Variants in GPHN observed in about 807,000 individuals in gnomAD.
The protein encoded by GPHN is gephyrin.
A neutral mutation model predicts 95.5 loss-of-function variants in GPHN; 17 were observed. The observed-to-expected ratio is 0.18, with a 90% CI of 0.12 to 0.27. GPHN has a LOEUF of 0.27. Among genes scored for constraint, GPHN ranks in the 10% least tolerant of loss-of-function variants. The probability of loss-of-function intolerance (pLI) is 1.00; values close to 1 mark genes in which losing one functional copy is unlikely to be tolerated. For missense variants in GPHN, 660 were observed against 978.1 expected (o/e 0.67, Z 4.34); for synonymous variants, 320 against 322.5 (o/e 0.99, Z 0.08).
At chr14:66,722,029 T>A (rs2070794624) in intron 2 of GPHN, among the ~76,000 whole-genome samples, 1 of 151,658 alleles carries the variant, frequency 6.6e-6, no homozygotes, top group Non-Finnish European at 1.5e-5. Context: ...CAGAAGGTTT[T>A]AAACACTAGA....
intron 1 of GPHN, among the ~76,000 whole-genome samples, chr14:66,660,190 A>G (rs1230842221): frequency 6.6e-6 from 1 of 152,088 alleles, no homozygotes; most frequent in Non-Finnish European, 1.5e-5. Flanking sequence ...TACCCTCTCA[A>G]TACAATTGCC....
chr14:66,532,785 T>C (rs1386427379), intron 1 of GPHN, among the ~76,000 whole-genome samples: 3 of 152,202 alleles, frequency 2.0e-5, no homozygotes, highest in Non-Finnish European at 4.4e-5. Flanking sequence ...GTAAGTAGTC[T>C]TCATTTTCTC....
chr14:67,268,575 C>T, the GPHN span, among the ~76,000 whole-genome samples: 27 of 152,328 alleles, frequency 1.8e-4, no homozygotes, highest in African/African-American at 6.3e-4. Flanking sequence ...GAGGGTTCCT[C>T]CCCTTTTTAG....
chr14:67,401,383 G>A, the GPHN span, among the ~76,000 whole-genome samples: 4 of 151,516 alleles, frequency 2.6e-5, no homozygotes, highest in South Asian at 2.1e-4. Flanking sequence ...GTGGTGGCAC[G>A]TGCCTGTAGT....
At chr14:67,281,827 T>A in the GPHN span, among the ~76,000 whole-genome samples, 36 of 152,248 alleles carry the variant, frequency 2.4e-4, no homozygotes, top group East Asian at 6.9e-3. Context: ...TTTTTTGCTT[T>A]TTCCTGTTTC....
At chr14:66,737,878 C>CA (rs568418271) in intron 2 of GPHN, among the ~76,000 whole-genome samples, 3 of 151,648 alleles carry the variant, frequency 2.0e-5, no homozygotes, top group Admixed American at 6.6e-5. Context: ...TGCTATAGTA[C>CA]AAAAAAAAGC....
At chr14:66,804,799 G>T (rs1302755344) in intron 3 of GPHN, among the ~76,000 whole-genome samples, 3 of 152,132 alleles carry the variant, frequency 2.0e-5, no homozygotes, top group Non-Finnish European at 4.4e-5. Context: ...ATAATTATGT[G>T]ATGTTTTCCA....
chr14:67,559,595 C>A, the GPHN span: 1 of 1,567,502 alleles, frequency 6.4e-7, no homozygotes, highest in Non-Finnish European at 8.7e-7. Flanking sequence ...GGAAGGCCCT[C>A]TCTTTCTTGC....
intron 1 of GPHN, among the ~76,000 whole-genome samples, chr14:66,555,807 C>T (rs368078068): frequency 2.0e-5 from 3 of 152,012 alleles, no homozygotes; most frequent in East Asian, 3.8e-4. Flanking sequence ...AAAACCCCTA[C>T]TTTAATGGTT....
chr14:66,837,204 A>T (rs1470009843), intron 4 of GPHN, among the ~76,000 whole-genome samples: 1 of 151,666 alleles, frequency 6.6e-6, no homozygotes, highest in Non-Finnish European at 1.5e-5. Flanking sequence ...CAAATGTCCA[A>T]CAATGATAGA....
At chr14:67,409,511 G>A in the GPHN span, among the ~76,000 whole-genome samples, 1 of 152,148 alleles carries the variant, frequency 6.6e-6, no homozygotes, top group African/African-American at 2.4e-5. Flanking sequence ...TTCACAATAT[G>A]AGCCCAGCAG....
the GPHN span, among the ~76,000 whole-genome samples, chr14:67,293,786 A>G: frequency 7.2e-5 from 11 of 152,226 alleles, no homozygotes; most frequent in Admixed American, 2.0e-4. Flanking sequence ...GTTGGGAAGA[A>G]TACAAAATAA....
At chr14:67,074,910 G>T (rs187824386) in intron 11 of GPHN, among the ~76,000 whole-genome samples, 1 of 152,282 alleles carries the variant, frequency 6.6e-6, no homozygotes, top group African/African-American at 2.4e-5. Flanking sequence ...ATATAACAAT[G>T]CAAGGTGAAG....
intron 9 of GPHN, among the ~76,000 whole-genome samples, chr14:67,019,136 A>G (rs982792406): frequency 3.3e-5 from 5 of 152,228 alleles, no homozygotes; most frequent in Non-Finnish European, 7.3e-5. Context: ...GGAATAGCCC[A>G]TTTTAAATAC....
chr14:66,608,670 A>T (rs964945902), intron 1 of GPHN, among the ~76,000 whole-genome samples: 1 of 152,052 alleles, frequency 6.6e-6, no homozygotes, highest in Non-Finnish European at 1.5e-5. Flanking sequence ...GGATGCTCCA[A>T]TGTTGGGTGT....
intron 5 of GPHN, among the ~76,000 whole-genome samples, chr14:66,887,624 A>C (rs1234438627): frequency 2.6e-5 from 4 of 151,274 alleles, no homozygotes; most frequent in African/African-American, 7.3e-5. Flanking sequence ...ATACTTCCCC[A>C]CCCCCACACA....
the GPHN span, among the ~76,000 whole-genome samples, chr14:67,636,042 T>C: frequency 6.6e-6 from 1 of 152,032 alleles, no homozygotes. Context: ...GTCACAAACA[T>C]TTCTATCCTA....
chr14:66,909,067 T>G (rs1487288193), intron 5 of GPHN, among the ~76,000 whole-genome samples: 1 of 152,138 alleles, frequency 6.6e-6, no homozygotes, highest in Non-Finnish European at 1.5e-5. Flanking sequence ...TGTGTCAATA[T>G]TGGCTCATTA....
chr14:66,693,746 G>A (rs1182754561), intron 2 of GPHN, among the ~76,000 whole-genome samples: 1 of 152,068 alleles, frequency 6.6e-6, no homozygotes, highest in East Asian at 1.9e-4. Context: ...TGCTTTATCA[G>A]TACTCTGTAT....
Sources: allele counts gnomAD v4.1 joint callset (sites outside exome capture counted in the v4.1 genomes callset), GRCh38; gene constraint gnomAD v4.1.1; transcripts MANE v1.5; gene names NCBI Gene and HGNC (gene_info 2026-07-23, HGNC 2026-07-21).